LRFN5: variants seen among roughly 807,000 people sequenced by gnomAD.
LRFN5 encodes leucine-rich repeat and fibronectin type-III domain-containing protein 5.
A neutral mutation model predicts 45.6 loss-of-function variants in LRFN5; 24 were observed. The observed-to-expected ratio is 0.53, with a 90% confidence interval of 0.38 to 0.74. The LOEUF (loss-of-function observed/expected upper bound fraction) is 0.74, where lower values mean the gene tolerates loss of function less well. Among genes scored for constraint, LRFN5 ranks in the 30% least tolerant of loss-of-function variants. The pLI, the probability that LRFN5 is intolerant of heterozygous loss-of-function variation, is 0.00. For missense variants in LRFN5, 776 were observed against 861.5 expected (o/e 0.90, Z 1.24); for synonymous variants, 340 against 313.8 (o/e 1.08, Z -0.88).
At chr14:41,746,090 G>A (rs1219268919) in intron 1 of LRFN5, among the ~76,000 whole-genome samples, 1 of 151,960 alleles carries the variant, frequency 6.6e-6, no homozygotes, top group Non-Finnish European at 1.5e-5. Context: ...GATCATTGAT[G>A]TATAAATTCT....
chr14:41,694,759 C>G (rs1257144212), intron 1 of LRFN5, among the ~76,000 whole-genome samples: 1 of 151,718 alleles, frequency 6.6e-6, no homozygotes, highest in Non-Finnish European at 1.5e-5. Context: ...ATTATTGTAT[C>G]TGTTATGGGG....
intron 2 of LRFN5, among the ~76,000 whole-genome samples, chr14:41,885,097 A>C (rs1306419302): frequency 6.6e-6 from 1 of 150,752 alleles, no homozygotes; most frequent in Non-Finnish European, 1.5e-5. Flanking sequence ...TACTTGCAGC[A>C]CTTTGGGAGA....
intron 1 of LRFN5, among the ~76,000 whole-genome samples, chr14:41,650,266 C>CACACACAAAA (rs1247683262): frequency 2.7e-4 from 37 of 135,524 alleles, no homozygotes; most frequent in African/African-American, 9.0e-4. Flanking sequence ...CACACACACA[C>CACACACAAAA]AAAAAAAAAA....
Position 41,652,183 on chromosome 14 carries a change from A to G in LRFN5, c.-197+43621A>G, listed in dbSNP as rs1015874991. Among the ~76,000 whole-genome samples the G allele has an allele frequency of 2.6e-5, 4 of 152,140 alleles. No individual in the cohort carries two copies. In the East Asian group the frequency reaches 7.7e-4, roughly 29 times the overall value. On this transcript the variant is annotated intron_variant, in intron 1 of 5. Transcript: ENST00000298119. The stretch of plus-strand genomic sequence containing the variant: ...ATTAAAATTGTTTTTAATATATTCA[A>G]TTAAATATGCATAAATATTAATAAA...
At chr14:41,826,575 A>G (rs28524110) in intron 2 of LRFN5, among the ~76,000 whole-genome samples, 6,390 of 152,190 alleles carry the variant, frequency 0.042, 445 homozygotes, top group African/African-American at 0.15. Context: ...TTGGTCCAAT[A>G]TATACTCAAT....
intron 1 of LRFN5, among the ~76,000 whole-genome samples, chr14:41,745,233 AC>A (rs559259933): frequency 6.6e-5 from 10 of 152,244 alleles, no homozygotes; most frequent in Non-Finnish European, 1.5e-4. Context: ...AGCTGAAAAT[AC>A]CGCAAATTTG....
chr14:41,733,254 A>G (rs1884260565), intron 1 of LRFN5, among the ~76,000 whole-genome samples: 1 of 152,114 alleles, frequency 6.6e-6, no homozygotes, highest in Non-Finnish European at 1.5e-5. Flanking sequence ...ATGAACTCAA[A>G]GACAGCCACA....
intron 1 of LRFN5, among the ~76,000 whole-genome samples, chr14:41,708,729 T>TTA (rs397827080): frequency 6.6e-6 from 1 of 151,660 alleles, no homozygotes; most frequent in Non-Finnish European, 1.5e-5. Flanking sequence ...TTTTTTTTTT[T>TTA]ACGTTTTGTT....
intron 1 of LRFN5, among the ~76,000 whole-genome samples, chr14:41,678,174 G>A (rs1372387541): frequency 2.0e-5 from 3 of 151,882 alleles, no homozygotes; most frequent in Non-Finnish European, 4.4e-5. Context: ...ATACACTTAA[G>A]AATGTTATTA....
chr14:41,774,860 T>C (rs1354743577), intron 2 of LRFN5, among the ~76,000 whole-genome samples: 1 of 152,130 alleles, frequency 6.6e-6, no homozygotes, highest in Non-Finnish European at 1.5e-5. Flanking sequence ...TTGCTAACAA[T>C]AACCTCTTTC....
chr14:41,894,418 AT>A (rs1188423424), intron 4 of LRFN5: 3 of 887,192 alleles, frequency 3.4e-6, no homozygotes, highest in African/African-American at 1.8e-5. Flanking sequence ...GATTTAATAT[AT>A]TTTTAATATG....
At chr14:41,865,007 G>C (rs1313865660) in intron 2 of LRFN5, among the ~76,000 whole-genome samples, 2 of 151,824 alleles carry the variant, frequency 1.3e-5, no homozygotes, top group Non-Finnish European at 2.9e-5. Flanking sequence ...TAGCTTCTTG[G>C]TTTTTATAGA....
chr14:41,625,053 C>T (rs141964609), intron 1 of LRFN5, among the ~76,000 whole-genome samples: 4 of 151,970 alleles, frequency 2.6e-5, no homozygotes, highest in African/African-American at 9.6e-5. Flanking sequence ...TCATATTTTT[C>T]TAAGATACAG....
intron 2 of LRFN5, among the ~76,000 whole-genome samples, chr14:41,801,435 G>A (rs190747622): frequency 1.0e-3 from 156 of 152,244 alleles, no homozygotes; most frequent in African/African-American, 3.1e-3. Context: ...TAGTCATCAT[G>A]CCTACCTACA....
chr14:41,726,138 G>C (rs1167430026), intron 1 of LRFN5, among the ~76,000 whole-genome samples: 1 of 152,036 alleles, frequency 6.6e-6, no homozygotes, highest in Non-Finnish European at 1.5e-5. Context: ...CTTACAATTG[G>C]CCATAGAACT....
At chr14:41,681,755 C>G (rs1881893909) in intron 1 of LRFN5, among the ~76,000 whole-genome samples, 1 of 151,452 alleles carries the variant, frequency 6.6e-6, no homozygotes, top group African/African-American at 2.4e-5. Context: ...TATTATAACA[C>G]TGTAACTGTG....
rs1240632411 is a variant in LRFN5 at position 41,724,415 on chromosome 14, C to A, written c.-196-42439C>A. On this transcript the variant is annotated intron_variant, in intron 1 of 5. Coordinates refer to ENST00000298119, the MANE Select transcript of LRFN5 (RefSeq NM_152447.5). ...GACAACAAATTTACAAACTAAAAAC[C>A]TTTGAAACACATTAGGATATTTATA... Among the ~76,000 whole-genome samples the A allele has an allele frequency of 2.6e-5, 4 of 152,022 alleles. No homozygotes were observed. The East Asian group carries it at 5.8e-4, about 22-fold the overall frequency.
chr14:41,897,554 T>C (rs1359147047), intron 4 of LRFN5, among the ~76,000 whole-genome samples: 1 of 152,122 alleles, frequency 6.6e-6, no homozygotes, highest in Non-Finnish European at 1.5e-5. Flanking sequence ...AAAATCATAA[T>C]TTTGTGTCCT....
intron 2 of LRFN5, among the ~76,000 whole-genome samples, chr14:41,851,144 G>T (rs1889251706): frequency 6.6e-6 from 1 of 151,664 alleles, no homozygotes; most frequent in Non-Finnish European, 1.5e-5. Flanking sequence ...ACTCCAAGCA[G>T]AAGTTATAAT....
Sources: gnomAD v4.1 joint callset for allele counts (sites outside exome capture counted in the v4.1 genomes callset) on GRCh38, gnomAD v4.1.1 for gene constraint, MANE v1.5 for transcripts, NCBI Gene and HGNC (gene_info 2026-07-23, HGNC 2026-07-21) for gene names.